The following UBAP2 variants were observed in gnomAD, a reference collection of about 807,000 sequenced individuals.
UBAP2 encodes the protein ubiquitin-associated protein 2.
A neutral mutation model predicts 139.6 loss-of-function variants in UBAP2; 75 were observed. The observed-to-expected ratio is 0.54, with a 90% CI of 0.45 to 0.65. The LOEUF (loss-of-function observed/expected upper bound fraction) is 0.65. Ranked by LOEUF, UBAP2 falls within the 30% of genes least tolerant of loss-of-function variation. The pLI is 0.00. For synonymous variants in UBAP2, 526 were observed against 526.2 expected (o/e 1.00, Z 0.01); for missense variants, 1,368 against 1,369.6 (o/e 1.00, Z 0.02).
chr9:33,949,802 C>T (rs944714162), intron 12 of UBAP2, among the ~76,000 whole-genome samples: 1 of 152,142 alleles, frequency 6.6e-6, no homozygotes, highest in African/African-American at 2.4e-5. Flanking sequence ...TGAGACACTG[C>T]GATACATAGG....
At chr9:34,021,475 T>C (rs778322219) in intron 1 of UBAP2, among the ~76,000 whole-genome samples, 1 of 152,170 alleles carries the variant, frequency 6.6e-6, no homozygotes, top group Non-Finnish European at 1.5e-5. Context: ...ATTTTGGTTG[T>C]ATTATAGAGA....
At chr9:34,038,988 G>A (rs1826754049) in intron 1 of UBAP2, among the ~76,000 whole-genome samples, 1 of 151,372 alleles carries the variant, frequency 6.6e-6, no homozygotes, top group African/African-American at 2.4e-5. Flanking sequence ...TCTGGGAGTT[G>A]AGGAGCGTCT....
upstream of UBAP2, among the ~76,000 whole-genome samples, chr9:34,049,109 T>C (rs373679193): frequency 1.1e-4 from 16 of 152,224 alleles, no homozygotes; most frequent in East Asian, 2.9e-3. Context: ...GACTTGATAA[T>C]ATGTATTGTA....
chr9:33,926,858 G>T, intron 21 of UBAP2, 131 bp downstream of exon 21: 1 of 1,016,722 alleles, frequency 9.8e-7, no homozygotes, highest in Non-Finnish European at 1.5e-6. Context: ...CAGTGGGGCA[G>T]AGACGGGGGT....
chr9:33,949,180 AT>A (rs1209660176), intron 12 of UBAP2, among the ~76,000 whole-genome samples: 1 of 142,468 alleles, frequency 7.0e-6, no homozygotes, highest in East Asian at 3.0e-4. Flanking sequence ...AAATAAATAA[AT>A]AAATAAATAA....
At chr9:33,928,121 T>C (rs1036456659) in intron 19 of UBAP2, 129 bp from the exon 20 acceptor site, 45 of 948,326 alleles carry the variant, frequency 4.7e-5, no homozygotes, top group Non-Finnish European at 5.9e-5. Context: ...CCACCCAGGC[T>C]CCCTTAAGGT....
chr9:33,929,603 A>T (rs1446569124), intron 19 of UBAP2, among the ~76,000 whole-genome samples: 1 of 152,234 alleles, frequency 6.6e-6, no homozygotes, highest in African/African-American at 2.4e-5. Flanking sequence ...AAAAAATCAT[A>T]AACAGCAAAC....
At chr9:34,008,258 C>T (rs977654856) in intron 2 of UBAP2, among the ~76,000 whole-genome samples, 4 of 147,756 alleles carry the variant, frequency 2.7e-5, no homozygotes, top group East Asian at 2.0e-4. Context: ...GCGAAGGTTG[C>T]GGTGAGCTAA....
chr9:34,003,677 G>A (rs1162554211), intron 2 of UBAP2, among the ~76,000 whole-genome samples: 1 of 151,916 alleles, frequency 6.6e-6, no homozygotes, highest in African/African-American at 2.4e-5. Flanking sequence ...AAAGTGCTGG[G>A]ATTACAGGCG....
At chr9:34,023,730 T>TACAA (rs1172086851) in intron 1 of UBAP2, among the ~76,000 whole-genome samples, 1 of 152,210 alleles carries the variant, frequency 6.6e-6, no homozygotes, top group African/African-American at 2.4e-5. Flanking sequence ...AAATTGTTAC[T>TACAA]ACAAAGACTT....
At chr9:33,963,834 A>G in intron 8 of UBAP2, 43 bp from the exon 9 acceptor site, 2 of 1,437,426 alleles carry the variant, frequency 1.4e-6, no homozygotes, top group Admixed American at 1.7e-5. Flanking sequence ...ATATGAAAAG[A>G]ATGAAAGTAT....
At chr9:34,028,407 T>A (rs1825600110) in intron 1 of UBAP2, among the ~76,000 whole-genome samples, 1 of 150,694 alleles carries the variant, frequency 6.6e-6, no homozygotes, top group South Asian at 2.1e-4. Flanking sequence ...GAGATGGAGT[T>A]TCACTGTTGT....
intron 18 of UBAP2, 148 bp from the exon 19 acceptor site, chr9:33,932,776 C>CACTGGGCTCTGTGGGGATA: frequency 2.4e-6 from 2 of 817,036 alleles, no homozygotes; most frequent in Non-Finnish European, 3.8e-6. Flanking sequence ...CTTATCCCCA[C>CACTGGGCTCTGTGGGGATA]AGAGCCCAGT....
intron 5 of UBAP2, among the ~76,000 whole-genome samples, chr9:33,987,062 G>T (rs1212464482): frequency 6.6e-6 from 1 of 151,926 alleles, no homozygotes; most frequent in African/African-American, 2.4e-5. Flanking sequence ...CCAGCTGAGG[G>T]GGGCAGATCT....
intron 1 of UBAP2, among the ~76,000 whole-genome samples, chr9:34,032,722 G>A (rs1166596921): frequency 2.6e-5 from 4 of 151,978 alleles, no homozygotes; most frequent in Admixed American, 1.3e-4. Flanking sequence ...TCCGGAGTTT[G>A]AGATCAGCCT....
intron 9 of UBAP2, among the ~76,000 whole-genome samples, chr9:33,961,996 T>G (rs1297046250): frequency 6.6e-6 from 1 of 152,236 alleles, no homozygotes; most frequent in African/African-American, 2.4e-5. Context: ...AAAATACAGA[T>G]GTTTCAAAAC....
intron 13 of UBAP2, among the ~76,000 whole-genome samples, chr9:33,947,022 G>A (rs1825703129): frequency 6.6e-6 from 1 of 152,174 alleles, no homozygotes; most frequent in South Asian, 2.1e-4. Context: ...AAGAATGTCT[G>A]TATAAACAAT....
chr9:33,939,977 G>A (rs1170694170), intron 16 of UBAP2, among the ~76,000 whole-genome samples: 1 of 128,200 alleles, frequency 7.8e-6, no homozygotes, highest in Non-Finnish European at 1.7e-5. Context: ...AAAAAATAAG[G>A]TAGGAGGGAG....
chr9:33,932,602 A>AGGCTGCTCTGG lies in UBAP2; in HGVS notation c.2124_2134dup (p.Leu712ProfsTer55). ...CGAGGAGAGGGCTGCATGTGCAGAG[A>AGGCTGCTCTGG]GGCTGCTCTGGTGGCTGGAGAGCGA... is the stretch of plus-strand genomic sequence containing the variant. On this transcript the variant is annotated frameshift_variant, in exon 19 of 29. Coordinates refer to ENST00000379238, the MANE Select transcript of UBAP2 (RefSeq NM_001370062.2). LOFTEE classifies it high-confidence loss of function. 1 of 1,614,092 alleles carries AGGCTGCTCTGG rather than the reference A, an allele frequency of 6.2e-7. No individual in the cohort carries two copies. Among genetic ancestry groups the AGGCTGCTCTGG allele is most frequent in the Non-Finnish European group, 8.5e-7 (1 of 1,180,032 alleles).
Sources: allele counts gnomAD v4.1 joint callset (sites outside exome capture counted in the v4.1 genomes callset), GRCh38; gene constraint gnomAD v4.1.1; transcripts MANE v1.5; gene names NCBI Gene and HGNC (gene_info 2026-07-23, HGNC 2026-07-21).